The following PRKN variants were observed in gnomAD, a reference collection of about 807,000 sequenced individuals.
PRKN encodes parkin RBR E3 ubiquitin protein ligase.
Under a neutral mutation model 59.5 loss-of-function variants are expected in PRKN, and 56 were observed. The ratio of observed to expected loss-of-function variants is 0.94; its 90% CI spans 0.76 to 1.18. PRKN has a LOEUF of 1.18. Ranked by LOEUF, PRKN falls within the 50% of genes most tolerant of loss-of-function variation. The pLI, the probability that PRKN is intolerant of heterozygous loss-of-function variation, is 0.00. For missense variants in PRKN, 657 were observed against 596.4 expected, an observed-to-expected ratio of 1.10 and a Z score of -1.06; for synonymous variants, 250 against 222.1, an observed-to-expected ratio of 1.13 and a Z score of -1.12.
chr6:161,680,759 A>ATT (rs1785310043), intron 7 of PRKN, among the ~76,000 whole-genome samples: 2 of 11,440 alleles, frequency 1.7e-4, no homozygotes, highest in African/African-American at 6.4e-4. Flanking sequence ...ATATATATAT[A>ATT]TATATATATA....
intron 1 of PRKN, among the ~76,000 whole-genome samples, chr6:162,470,795 G>A (rs1791693890): frequency 6.6e-6 from 1 of 151,886 alleles, no homozygotes; most frequent in African/African-American, 2.4e-5. Context: ...CTCATTCTGT[G>A]GCCCAGGCTG....
intron 7 of PRKN, among the ~76,000 whole-genome samples, chr6:161,677,778 G>C (rs1454771035): frequency 6.6e-6 from 1 of 152,200 alleles, no homozygotes; most frequent in Non-Finnish European, 1.5e-5. Context: ...TCTCAAGCTT[G>C]ACTAACATTA....
intron 1 of PRKN, among the ~76,000 whole-genome samples, chr6:162,649,526 G>C (rs543920328): frequency 2.1e-4 from 32 of 152,188 alleles, no homozygotes; most frequent in Non-Finnish European, 4.1e-4. Context: ...AAAGTCAAAG[G>C]TGTATGTCAT....
At chr6:162,579,493 TACAC>T (rs1244154021) in intron 1 of PRKN, among the ~76,000 whole-genome samples, 6 of 151,306 alleles carry the variant, frequency 4.0e-5, no homozygotes, top group Admixed American at 3.3e-4. Flanking sequence ...CACACAGATT[TACAC>T]ACAAAGTTCA....
chr6:162,215,036 CT>C (rs1176828243), intron 3 of PRKN, among the ~76,000 whole-genome samples: 1 of 152,060 alleles, frequency 6.6e-6, no homozygotes, highest in African/African-American at 2.4e-5. Context: ...CATCTGCAAC[CT>C]TATTGGGCCC....
intron 7 of PRKN, among the ~76,000 whole-genome samples, chr6:161,693,457 T>A (rs1258822954): frequency 3.3e-5 from 5 of 152,202 alleles, no homozygotes; most frequent in African/African-American, 7.2e-5. Context: ...GCACTTTTTT[T>A]ATATTCAATT....
At chr6:162,514,120 T>C (rs1379550829) in intron 1 of PRKN, among the ~76,000 whole-genome samples, 1 of 152,030 alleles carries the variant, frequency 6.6e-6, no homozygotes, top group Non-Finnish European at 1.5e-5. Context: ...TTTATAATAA[T>C]TCCCCAAACT....
In PRKN at chr6:162,011,490, A is replaced by T. The variant is rs187405234; in HGVS notation, c.619-38073T>A. ...TATAATATATAATATATTATAATAT[A>T]TATAATATATATTTATTATATATAT... On this transcript the variant is annotated intron_variant, in intron 5 of 11. Coordinates refer to ENST00000366898, the MANE Select transcript of PRKN (RefSeq NM_004562.3). Among the ~76,000 whole-genome samples the T allele has an allele frequency of 2.4e-3, 37 of 15,418 alleles. 9 individuals carry two copies. The highest frequency in any genetic ancestry group is 0.01 in the Admixed American group (6 of 576). The allele number at this position is 15,418 out of a possible 152,430, so 10.1% of individuals were successfully genotyped here.
At chr6:162,547,498 C>T (rs551010557) in intron 1 of PRKN, among the ~76,000 whole-genome samples, 3 of 152,296 alleles carry the variant, frequency 2.0e-5, no homozygotes, top group South Asian at 4.1e-4. Flanking sequence ...AAGTAGGCAG[C>T]AATTCTTTCT....
At chr6:162,608,351 G>A (rs886934943) in intron 1 of PRKN, among the ~76,000 whole-genome samples, 2 of 152,196 alleles carry the variant, frequency 1.3e-5, no homozygotes, top group African/African-American at 4.8e-5. Context: ...ACAAAGTCAG[G>A]ACGTTAATGT....
At chr6:161,686,509 G>A (rs1374798905) in intron 7 of PRKN, among the ~76,000 whole-genome samples, 1 of 152,126 alleles carries the variant, frequency 6.6e-6, no homozygotes, top group Non-Finnish European at 1.5e-5. Flanking sequence ...ATAAATCACA[G>A]AAAAAATATT....
chr6:162,397,737 G>A (rs957096499), intron 2 of PRKN, among the ~76,000 whole-genome samples: 2 of 152,086 alleles, frequency 1.3e-5, no homozygotes, highest in African/African-American at 4.8e-5. Flanking sequence ...ACACTCGGCA[G>A]TAGAAATGTA....
chr6:161,689,503 G>GT (rs1785695672), intron 7 of PRKN, among the ~76,000 whole-genome samples: 1 of 152,106 alleles, frequency 6.6e-6, no homozygotes, highest in East Asian at 1.9e-4. Context: ...TAAAATAAAA[G>GT]TGATTATTTT....
intron 7 of PRKN, among the ~76,000 whole-genome samples, chr6:161,570,199 T>C (rs1215991750): frequency 2.1e-5 from 3 of 142,194 alleles, no homozygotes; most frequent in Non-Finnish European, 3.0e-5. Flanking sequence ...AAAATACGTA[T>C]GTATAAAATA....
chr6:162,488,024 T>TC (rs1186230213), intron 1 of PRKN, among the ~76,000 whole-genome samples: 23 of 131,050 alleles, frequency 1.8e-4, no homozygotes, highest in African/African-American at 5.8e-4. Context: ...ATCCACCATT[T>TC]CCCTTTTTTT....
intron 2 of PRKN, among the ~76,000 whole-genome samples, chr6:162,361,692 G>C (rs1286279819): frequency 6.6e-6 from 1 of 152,072 alleles, no homozygotes; most frequent in African/African-American, 2.4e-5. Flanking sequence ...ATTGATTTTT[G>C]CAGCAGTGAT....
intron 1 of PRKN, among the ~76,000 whole-genome samples, chr6:162,637,051 T>C (rs1777742014): frequency 6.6e-6 from 1 of 151,850 alleles, no homozygotes; most frequent in African/African-American, 2.4e-5. Flanking sequence ...TGTCAGGAGT[T>C]CAAGATGAGC....
intron 7 of PRKN, among the ~76,000 whole-genome samples, chr6:161,610,923 A>G (rs1342700955): frequency 1.3e-5 from 2 of 152,322 alleles, no homozygotes. Context: ...TGGCACTCAC[A>G]GATAGAGTTG....
chr6:162,300,140 C>T (rs77005532), intron 2 of PRKN, among the ~76,000 whole-genome samples: 19,533 of 152,002 alleles, frequency 0.13, 1,927 homozygotes, highest in African/African-American at 0.27. Context: ...TACAACAGTG[C>T]TATACATACA....
Sources: allele counts gnomAD v4.1 joint callset (sites outside exome capture counted in the v4.1 genomes callset), GRCh38; gene constraint gnomAD v4.1.1; transcripts MANE v1.5; gene names NCBI Gene and HGNC (gene_info 2026-07-23, HGNC 2026-07-21).